Variants in COL24A1 observed in about 807,000 individuals in gnomAD.
COL24A1 encodes collagen alpha-1(XXIV) chain.
A neutral mutation model predicts 253.9 loss-of-function variants in COL24A1; 224 were observed. The observed-to-expected ratio is 0.88, with a 90% CI of 0.79 to 0.99. COL24A1 has a LOEUF of 0.99. COL24A1 is among the 50% of genes least tolerant of loss of function. The pLI, the probability that COL24A1 is intolerant of heterozygous loss-of-function variation, is 0.00. For missense variants in COL24A1, 2,131 were observed against 2,068.5 expected (o/e 1.03, Z -0.59); for synonymous variants, 685 against 673.7 (o/e 1.02, Z -0.26).
At chr1:86,024,774 G>C (rs1261949182) in intron 14 of COL24A1, among the ~76,000 whole-genome samples, 1 of 152,050 alleles carries the variant, frequency 6.6e-6, no homozygotes, top group African/African-American at 2.4e-5. Context: ...AAATATCTCT[G>C]TTTGGAAATT....
At chr1:85,824,716 C>T (rs1042182596) in intron 43 of COL24A1, among the ~76,000 whole-genome samples, 4 of 152,052 alleles carry the variant, frequency 2.6e-5, no homozygotes, top group African/African-American at 9.7e-5. Flanking sequence ...AACCCAGAAG[C>T]GTGTCAGATG....
intron 31 of COL24A1, 120 bp from the exon 32 acceptor site, chr1:85,889,733 T>C: frequency 9.1e-5 from 42 of 459,360 alleles, no homozygotes; most frequent in Non-Finnish European, 1.3e-4. Flanking sequence ...TTGCTATTCT[T>C]TTTTTTTTTT....
chr1:85,844,317 T>C (rs190335165), intron 39 of COL24A1, among the ~76,000 whole-genome samples: 135 of 152,212 alleles, frequency 8.9e-4, no homozygotes, highest in Middle Eastern at 3.4e-3. Flanking sequence ...AAGATAACTC[T>C]TGTTCAGGAG....
At chr1:86,084,598 A>C (rs550498961) in intron 7 of COL24A1, among the ~76,000 whole-genome samples, 1 of 152,354 alleles carries the variant, frequency 6.6e-6, no homozygotes, top group South Asian at 2.1e-4. Context: ...AAATGATGCT[A>C]AATCACAGAT....
chr1:85,955,498 C>T (rs1176248566), intron 24 of COL24A1, among the ~76,000 whole-genome samples: 1 of 152,240 alleles, frequency 6.6e-6, no homozygotes, highest in Admixed American at 6.5e-5. Flanking sequence ...AACACATGCC[C>T]ACTGGGGCTT....
chr1:86,124,224 G>GC (rs1557718450), intron 3 of COL24A1, among the ~76,000 whole-genome samples: 1 of 151,700 alleles, frequency 6.6e-6, no homozygotes, highest in Non-Finnish European at 1.5e-5. Flanking sequence ...TGCCTTGGTT[G>GC]TTTTTTTCCC....
chr1:85,768,953 T>C (rs1667667732), intron 53 of COL24A1, among the ~76,000 whole-genome samples: 1 of 151,878 alleles, frequency 6.6e-6, no homozygotes, highest in South Asian at 2.1e-4. Flanking sequence ...ATATATTTCA[T>C]GCCTTCATGG....
In COL24A1 at chr1:85,912,352, A is replaced by G. The variant is rs1402519643; in HGVS notation, c.2563-919T>C. Reference sequence around the variant, plus strand: ...TCAAACAGTACAGAAAGCAAAAAGAATAACACAGAACAAGCTTGACAAGAA... The same window carrying G: ...TCAAACAGTACAGAAAGCAAAAAGAGTAACACAGAACAAGCTTGACAAGAA... On this transcript the variant is annotated intron_variant, in intron 24 of 59. Coordinates refer to ENST00000370571, the MANE Select transcript of COL24A1 (RefSeq NM_152890.7). 3.3e-5 allele frequency among the ~76,000 whole-genome samples: 5 copies of G among 152,340 alleles called. No individual in the cohort carries two copies. In the East Asian group the frequency reaches 7.7e-4, roughly 23 times the overall value.
intron 32 of COL24A1, among the ~76,000 whole-genome samples, chr1:85,886,036 T>C (rs1249971106): frequency 6.6e-6 from 1 of 152,118 alleles, no homozygotes; most frequent in African/African-American, 2.4e-5. Flanking sequence ...TGGATTCAGC[T>C]AGAAGCCAAA....
At chr1:85,866,342 T>C (rs1679791638) in intron 37 of COL24A1, among the ~76,000 whole-genome samples, 1 of 152,248 alleles carries the variant, frequency 6.6e-6, no homozygotes, top group Non-Finnish European at 1.5e-5. Flanking sequence ...TATTATCTTG[T>C]ACAAATCTCT....
At chr1:85,977,628 G>A (rs1224422317) in intron 20 of COL24A1, among the ~76,000 whole-genome samples, 1 of 152,212 alleles carries the variant, frequency 6.6e-6, no homozygotes, top group East Asian at 1.9e-4. Context: ...GAACTTCAGA[G>A]CTCAAAGACA....
At chr1:85,748,312 C>T (rs1665503373) in intron 55 of COL24A1, among the ~76,000 whole-genome samples, 1 of 152,186 alleles carries the variant, frequency 6.6e-6, no homozygotes, top group Non-Finnish European at 1.5e-5. Flanking sequence ...ACTCAAATAG[C>T]TGCACAGTGC....
chr1:85,906,262 G>GTTTTTTTTTTTTTTTTTTTTTTTTTTTT (rs1438385660), intron 28 of COL24A1, among the ~76,000 whole-genome samples: 17 of 14,030 alleles, frequency 1.2e-3, no homozygotes, highest in African/African-American at 2.5e-3. Flanking sequence ...AAACTGCAAG[G>GTTTTTTTTTTTTTTTTTTTTTTTTTTTT]TCTTTTTTTT....
At chr1:85,989,517 T>C (rs537083219) in intron 19 of COL24A1, among the ~76,000 whole-genome samples, 4 of 151,992 alleles carry the variant, frequency 2.6e-5, no homozygotes, top group Non-Finnish European at 5.9e-5. Context: ...TGCTTATTCA[T>C]GTTCCTATCC....
intron 47 of COL24A1, among the ~76,000 whole-genome samples, chr1:85,812,132 G>A (rs544614531): frequency 7.2e-5 from 11 of 152,256 alleles, no homozygotes; most frequent in South Asian, 2.1e-4. Flanking sequence ...TTATGAACTC[G>A]GTAATAATCG....
chr1:86,112,123 T>C (rs1482602925), intron 5 of COL24A1, among the ~76,000 whole-genome samples: 1 of 152,240 alleles, frequency 6.6e-6, no homozygotes, highest in East Asian at 1.9e-4. Context: ...TCATAAACAT[T>C]TGTTCATTCT....
At chr1:85,808,654 A>T (rs940733760) in intron 47 of COL24A1, among the ~76,000 whole-genome samples, 1 of 152,226 alleles carries the variant, frequency 6.6e-6, no homozygotes, top group South Asian at 2.1e-4. Context: ...CTTGGAGAGT[A>T]GAAAAGAACA....
Position 86,125,625 on chromosome 1 carries a change from A to G in COL24A1, c.711T>C (p.Tyr237=). Residue 237 remains tyrosine (Y), a synonymous_variant, in exon 3 of 60, where the codon TAT becomes TAC. Transcript: ENST00000370571. ...CTGCTTGGCGACACTGCTGTTTCAC[A>G]TATCTGCAGTAGTCTGCAGATGCTT... The part of the protein sequence containing the change: ...SAEASADYCR[Y]VKQQCRQADK... 1.2e-6 allele frequency: 2 copies of G among 1,613,218 alleles called. No homozygotes were observed. Among genetic ancestry groups the G allele is most frequent in the South Asian group, 1.1e-5 (1 of 91,056 alleles).
intron 20 of COL24A1, among the ~76,000 whole-genome samples, chr1:85,978,325 AC>A (rs1445818809): frequency 1.3e-5 from 2 of 151,864 alleles, no homozygotes; most frequent in Non-Finnish European, 2.9e-5. Flanking sequence ...CACACACAAA[AC>A]CCACAAGATA....
Sources: gnomAD v4.1 joint callset for allele counts (sites outside exome capture counted in the v4.1 genomes callset) on GRCh38, gnomAD v4.1.1 for gene constraint, MANE v1.5 for transcripts, NCBI Gene and HGNC (gene_info 2026-07-23, HGNC 2026-07-21) for gene names.